Variants in TPH2 observed in about 807,000 individuals in gnomAD.
TPH2 encodes the protein tryptophan hydroxylase 2, also known as tryptophan 5-hydroxylase 2.
Under a neutral mutation model 59.1 loss-of-function variants are expected in TPH2, and 27 were observed. The observed-to-expected ratio is 0.46, with a 90% confidence interval of 0.34 to 0.63. TPH2 has a LOEUF of 0.63. TPH2 is among the 30% of genes least tolerant of loss of function. The pLI is 0.01. For missense variants in TPH2, 523 were observed against 588.3 expected, an observed-to-expected ratio of 0.89 and a Z score of 1.15; for synonymous variants, 220 against 210.5, an observed-to-expected ratio of 1.05 and a Z score of -0.39.
chr12:72,012,374 G>A (rs1873123116), intron 8 of TPH2, among the ~76,000 whole-genome samples: 1 of 152,072 alleles, frequency 6.6e-6, no homozygotes, highest in Non-Finnish European at 1.5e-5. Flanking sequence ...GAAGGGGCTC[G>A]GCAATGACAA....
At chr12:71,977,479 G>A (rs993219809) in intron 6 of TPH2, among the ~76,000 whole-genome samples, 11 of 151,672 alleles carry the variant, frequency 7.3e-5, no homozygotes, top group South Asian at 2.1e-4. Flanking sequence ...ACAGACACAC[G>A]CACACGCATG....
Position 71,958,878 on chromosome 12 carries a change from C to A in TPH2, c.608+9223C>A, listed in dbSNP as rs183528604. Among the ~76,000 whole-genome samples the A allele has an allele frequency of 1.4e-3, 207 of 152,246 alleles. 1 individual carries two copies. Among genetic ancestry groups the A allele is most frequent in the African/African-American group, 4.9e-3 (202 of 41,532 alleles). ...ACACAGCTAAACAGAGACCCTAAAACAAAACAGCTCCAACAGAGGACTAGC... is the reference window on the plus strand; with the variant it reads ...ACACAGCTAAACAGAGACCCTAAAAAAAAACAGCTCCAACAGAGGACTAGC... On this transcript the variant is annotated intron_variant, in intron 5 of 10. Coordinates refer to ENST00000333850, the MANE Select transcript of TPH2 (RefSeq NM_173353.4).
intron 8 of TPH2, among the ~76,000 whole-genome samples, chr12:71,996,691 T>G (rs1282521279): frequency 6.6e-6 from 1 of 152,158 alleles, no homozygotes; most frequent in Non-Finnish European, 1.5e-5. Flanking sequence ...CATGTGTGCA[T>G]GTGAACATGG....
intron 5 of TPH2, among the ~76,000 whole-genome samples, chr12:71,957,465 T>C (rs932385836): frequency 6.6e-6 from 1 of 151,488 alleles, no homozygotes; most frequent in Non-Finnish European, 1.5e-5. Context: ...GCCTCTTGAG[T>C]TGCTGGGACT....
At chr12:71,939,238 T>C (rs1455942397) in intron 1 of TPH2, 147 bp downstream of exon 1, 1 of 713,456 alleles carries the variant, frequency 1.4e-6, no homozygotes, top group Non-Finnish European at 2.5e-6. Context: ...TTTCCTCCTG[T>C]CTGCCTCCAG....
chr12:72,014,334 CA>C (rs1873179721), intron 8 of TPH2, among the ~76,000 whole-genome samples: 1 of 151,716 alleles, frequency 6.6e-6, no homozygotes. Context: ...ATAAAGCATG[CA>C]AAAACCTATT....
intron 6 of TPH2, among the ~76,000 whole-genome samples, chr12:71,976,947 T>C (rs1266221866): frequency 2.0e-5 from 3 of 152,210 alleles, no homozygotes; most frequent in Non-Finnish European, 4.4e-5. Flanking sequence ...AAGCGAAGAA[T>C]AGAACAGTGG....
At chr12:71,973,413 T>C (rs1039475096) in intron 6 of TPH2, among the ~76,000 whole-genome samples, 1 of 152,188 alleles carries the variant, frequency 6.6e-6, no homozygotes, top group African/African-American at 2.4e-5. Flanking sequence ...TCATAAGGCA[T>C]TGGCATGCTA....
intron 5 of TPH2, among the ~76,000 whole-genome samples, chr12:71,968,525 G>A (rs1871880090): frequency 6.6e-6 from 1 of 152,190 alleles, no homozygotes; most frequent in Admixed American, 6.5e-5. Context: ...CACTCTCCCA[G>A]GGACTGTCGG....
At chr12:71,979,990 C>G (rs1872230489) in intron 7 of TPH2, among the ~76,000 whole-genome samples, 2 of 152,050 alleles carry the variant, frequency 1.3e-5, no homozygotes, top group Admixed American at 6.5e-5. Context: ...AATATGGTGT[C>G]AGGTGTAAGT....
At chr12:71,969,267 G>A (rs922843098) in intron 5 of TPH2, among the ~76,000 whole-genome samples, 1 of 152,044 alleles carries the variant, frequency 6.6e-6, no homozygotes, top group Admixed American at 6.5e-5. Flanking sequence ...TGGGCGACAG[G>A]GCAAGACTCC....
intron 5 of TPH2, among the ~76,000 whole-genome samples, chr12:71,953,376 G>C (rs1015858783): frequency 1.4e-4 from 22 of 152,206 alleles, no homozygotes; most frequent in African/African-American, 5.1e-4. Context: ...ATGGATAAGA[G>C]AGAGACAGTC....
rs1324334884 is a variant in TPH2 at position 71,951,422 on chromosome 12, C to T, written c.608+1767C>T. On this transcript the variant is annotated intron_variant, in intron 5 of 10. Coordinates refer to ENST00000333850, the MANE Select transcript of TPH2 (RefSeq NM_173353.4). ...AGCTCAATGCCTGGCAGAGCCTTTTCCCTTAGATAAAGTAGATAGCTTCGT... is the reference window on the plus strand; with the variant it reads ...AGCTCAATGCCTGGCAGAGCCTTTTTCCTTAGATAAAGTAGATAGCTTCGT... Among the ~76,000 whole-genome samples, 6 of 152,302 alleles carry T rather than the reference C, an allele frequency of 3.9e-5. 1 individual carries two copies. Among genetic ancestry groups the T allele is most frequent in the African/African-American group, 9.6e-5 (4 of 41,566 alleles).
In TPH2 at chr12:71,990,207, G is replaced by A. The variant is rs755280155; in HGVS notation, c.942-4232G>A. 1.1e-4 allele frequency among the ~76,000 whole-genome samples: 17 copies of A among 152,272 alleles called. No homozygotes were observed. In the East Asian group the frequency reaches 3.3e-3, roughly 29 times the overall value. ...TTTTGGAGAGATCTGGTGAGATAAG[G>A]CAATAGTTGTGAACTCACATCGGGA... On this transcript the variant is annotated intron_variant, in intron 7 of 10. Transcript: ENST00000333850.
chr12:71,985,611 C>T (rs1872409911), intron 7 of TPH2, among the ~76,000 whole-genome samples: 1 of 152,094 alleles, frequency 6.6e-6, no homozygotes, highest in African/African-American at 2.4e-5. Context: ...GTTGGTCAGG[C>T]TGGTCTCGAA....
chr12:71,992,241 G>A (rs1872591729), intron 7 of TPH2, among the ~76,000 whole-genome samples: 1 of 152,208 alleles, frequency 6.6e-6, no homozygotes, highest in African/African-American at 2.4e-5. Context: ...TGAAACAACA[G>A]AGAGCAGAAA....
chr12:71,940,786 A>T (rs1280475220), intron 1 of TPH2, among the ~76,000 whole-genome samples: 1 of 152,206 alleles, frequency 6.6e-6, no homozygotes, highest in African/African-American at 2.4e-5. Context: ...ATTAATAGAC[A>T]TTACTTCATC....
intron 7 of TPH2, among the ~76,000 whole-genome samples, chr12:71,984,342 G>C (rs1872371260): frequency 6.6e-6 from 1 of 152,142 alleles, no homozygotes; most frequent in Admixed American, 6.5e-5. Context: ...TCTAAGTAAA[G>C]TAAATGAATT....
intron 5 of TPH2, chr12:71,961,956 A>G (rs1254692434): frequency 2.8e-6 from 3 of 1,057,616 alleles, no homozygotes; most frequent in Non-Finnish European, 3.4e-6. Flanking sequence ...CTCCCATCTG[A>G]AAGTTCCTTA....
Sources: gnomAD v4.1 joint callset for allele counts (sites outside exome capture counted in the v4.1 genomes callset) on GRCh38, gnomAD v4.1.1 for gene constraint, MANE v1.5 for transcripts, NCBI Gene and HGNC (gene_info 2026-07-23, HGNC 2026-07-21) for gene names.